SPTY2D1: variants seen among roughly 807,000 people sequenced by gnomAD.
SPTY2D1 encodes the protein protein SPT2 homolog.
A neutral mutation model predicts 64.0 loss-of-function variants in SPTY2D1; 21 were observed. That is an observed-to-expected ratio of 0.33 (90% CI 0.23 to 0.47). SPTY2D1 has a LOEUF of 0.47. SPTY2D1 is among the 20% of genes least tolerant of loss of function. The pLI, the probability that SPTY2D1 is intolerant of heterozygous loss-of-function variation, is 1.00. For missense variants in SPTY2D1, 724 were observed against 837.2 expected, an observed-to-expected ratio of 0.86 and a Z score of 1.67; for synonymous variants, 287 against 286.8, an observed-to-expected ratio of 1.00 and a Z score of -0.01.
chr11:18,627,658 C>A (rs1323417939), intron 1 of SPTY2D1, among the ~76,000 whole-genome samples: 3 of 152,088 alleles, frequency 2.0e-5, no homozygotes, highest in Non-Finnish European at 4.4e-5. Context: ...GGGGGTGGAT[C>A]ATGAGGTTAG....
chr11:18,629,502 C>CA (rs531620186), intron 1 of SPTY2D1, among the ~76,000 whole-genome samples: 1,489 of 148,886 alleles, frequency 0.01, 17 homozygotes, highest in Non-Finnish European at 0.016. Context: ...GACTTTGTCT[C>CA]AAAAAAAAAA....
rs531363116 is a variant in SPTY2D1, at chr11:18,608,434, A to C, written c.*1427T>G. The C allele has an allele frequency of 1.3e-5, 2 of 152,438 alleles. No individual in the cohort carries two copies. Among genetic ancestry groups the C allele is most frequent in the South Asian group, 2.1e-4 (1 of 4,830 alleles). The allele number at this position is 152,438 out of a possible 1,614,324, so 9.4% of individuals were successfully genotyped here. On this transcript the variant is annotated 3_prime_UTR_variant, in exon 6 of 6. Coordinates refer to ENST00000336349, the MANE Select transcript of SPTY2D1 (RefSeq NM_194285.3). ...CTGTTGAAGTATAAGGGCCTGTTGT[A>C]GGACAATCCCTCCTACTTCCTAATC...
intron 1 of SPTY2D1, among the ~76,000 whole-genome samples, chr11:18,631,311 C>G (rs370462898): frequency 1.3e-5 from 2 of 152,152 alleles, no homozygotes; most frequent in Admixed American, 1.3e-4. Context: ...CAGTGGTTCA[C>G]ACCTGTACTC....
chr11:18,630,168 A>AAAAAAT (rs1413650108), intron 1 of SPTY2D1, among the ~76,000 whole-genome samples: 3 of 151,450 alleles, frequency 2.0e-5, no homozygotes, highest in Non-Finnish European at 2.9e-5. Context: ...ACTCTGTCTC[A>AAAAAAT]AAAAATAAAA....
intron 1 of SPTY2D1, among the ~76,000 whole-genome samples, chr11:18,621,344 AG>A (rs1401260215): frequency 2.0e-5 from 3 of 149,020 alleles, no homozygotes; most frequent in African/African-American, 7.6e-5. Context: ...AGAAAAGAAA[AG>A]AAAAGAAAAG....
chr11:18,609,058 GAATAA>G lies in SPTY2D1; in HGVS notation c.*798_*802del, dbSNP rs1854151848. 1 of 152,134 alleles carries G rather than the reference GAATAA, an allele frequency of 6.6e-6. No individual in the cohort carries two copies. Among genetic ancestry groups the G allele is most frequent in the African/African-American group, 2.4e-5 (1 of 41,366 alleles). The allele number at this position is 152,134 out of a possible 1,614,324, so 9.4% of individuals were successfully genotyped here. On this transcript the variant is annotated 3_prime_UTR_variant, in exon 6 of 6. Coordinates refer to ENST00000336349, the MANE Select transcript of SPTY2D1 (RefSeq NM_194285.3). ...TATTACTCTTTCAAATCTAATGTTT[GAATAA>G]AATATTTTTTCTTCGATATAAAAAT...
chr11:18,614,269 A>T (rs1854251685), intron 3 of SPTY2D1, among the ~76,000 whole-genome samples: 1 of 152,202 alleles, frequency 6.6e-6, no homozygotes, highest in South Asian at 2.1e-4. Context: ...TAAAAAATAA[A>T]AAGTTAGCCA....
intron 1 of SPTY2D1, among the ~76,000 whole-genome samples, chr11:18,622,822 C>T (rs142445998): frequency 1.8e-4 from 27 of 151,914 alleles, no homozygotes; most frequent in African/African-American, 6.3e-4. Flanking sequence ...CGTGATGGCA[C>T]GCACCTATAA....
chr11:18,625,003 A>C (rs1447951755), intron 1 of SPTY2D1, among the ~76,000 whole-genome samples: 1 of 151,730 alleles, frequency 6.6e-6, no homozygotes, highest in Non-Finnish European at 1.5e-5. Flanking sequence ...CGTCTCAAGA[A>C]AAAAAAAAGT....
At chr11:18,621,018 C>T (rs1430400234) in intron 1 of SPTY2D1, among the ~76,000 whole-genome samples, 2 of 151,596 alleles carry the variant, frequency 1.3e-5, no homozygotes, top group Non-Finnish European at 2.9e-5. Context: ...AAAACACTGA[C>T]TGAGGCCGGG....
chr11:18,612,422 T>C lies in SPTY2D1; in HGVS notation c.1778A>G (p.Asp593Gly). The change falls in exon 4 of 6, where the codon GAT becomes GGT. Residue 593 changes from aspartate to glycine, a missense_variant. Transcript: ENST00000336349. This position sits in a 1 kb window ranked among gnomAD's most constrained non-coding sequence, Gnocchi z 4.6. The part of the protein sequence containing the change: ...RQREYEEEDD[D>G]DDEYDSEMED... ...CATTTCAGAGTCGTATTCATCATCA[T>C]CGTCATCTTCCTCTTCATATTCTCG... 7.5e-6 allele frequency: 12 copies of C among 1,597,676 alleles called. No individual in the cohort carries two copies. The highest frequency in any genetic ancestry group is 1.0e-5 in the Non-Finnish European group (12 of 1,167,950).
intron 4 of SPTY2D1, among the ~76,000 whole-genome samples, chr11:18,611,917 T>C (rs1854212576): frequency 6.6e-6 from 1 of 152,156 alleles, no homozygotes; most frequent in African/African-American, 2.4e-5. Flanking sequence ...TAATTTGAGC[T>C]TCATGACCAT....
At chr11:18,616,210 T>G (rs894302080) in intron 2 of SPTY2D1, 112 bp from the exon 3 acceptor site, 1 of 957,796 alleles carries the variant, frequency 1.0e-6, no homozygotes, top group African/African-American at 1.7e-5. Context: ...AGGAATCAAA[T>G]GAGGAAGTCA....
intron 1 of SPTY2D1, among the ~76,000 whole-genome samples, chr11:18,623,407 C>T (rs1245572544): frequency 6.6e-6 from 1 of 152,170 alleles, no homozygotes; most frequent in East Asian, 1.9e-4. Context: ...ATGCATTTAC[C>T]AATTCTGGAC....
intron 1 of SPTY2D1, among the ~76,000 whole-genome samples, chr11:18,620,861 T>A (rs1354088878): frequency 1.4e-5 from 2 of 142,664 alleles, no homozygotes; most frequent in South Asian, 2.2e-4. Flanking sequence ...CACTCCAGCC[T>A]GGGCAACAGA....
In SPTY2D1 at chr11:18,614,869, C is replaced by T. The variant is rs886530812; in HGVS notation, c.1405G>A (p.Val469Met). The T allele has an allele frequency of 6.2e-7, 1 of 1,613,742 alleles. No individual in the cohort carries two copies. Among genetic ancestry groups the T allele is most frequent in the Non-Finnish European group, 8.5e-7 (1 of 1,179,786 alleles). The change falls in exon 3 of 6, where the codon GTG becomes ATG. Residue 469 changes from valine (V) to methionine (M), a missense_variant. Transcript: ENST00000336349. ...LGSSRGPGRP[V>M]SSPHELRRPV... Reference sequence around the variant, plus strand: ...CGTCGAAGTTCATGTGGACTGCTCACAGGCCGGCCAGGGCCACGAGAGCTG... The same window carrying T: ...CGTCGAAGTTCATGTGGACTGCTCATAGGCCGGCCAGGGCCACGAGAGCTG...
chr11:18,621,534 T>C (rs930690252), intron 1 of SPTY2D1, among the ~76,000 whole-genome samples: 14 of 152,154 alleles, frequency 9.2e-5, no homozygotes, highest in African/African-American at 3.1e-4. Flanking sequence ...CAACTTCAAA[T>C]TCTGCCTTTT....
At position 18,614,819 on chromosome 11, in the gene SPTY2D1, C is replaced by CG. The variant is rs749122082; in HGVS notation, c.1454dup (p.Arg487AlafsTer22). On this transcript the variant is annotated frameshift_variant, in exon 3 of 6. Coordinates refer to ENST00000336349, the MANE Select transcript of SPTY2D1 (RefSeq NM_194285.3). LOFTEE classifies it high-confidence loss of function. ...TCCCAGGGCCACTGACAGACCGCCC[C>CG]GGGGGGCCCAAGCCACTCACTGGTC... The CG allele has an allele frequency of 1.9e-6, 3 of 1,613,056 alleles. No individual in the cohort carries two copies. Among genetic ancestry groups the CG allele is most frequent in the South Asian group, 1.1e-5 (1 of 90,958 alleles).
intron 1 of SPTY2D1, among the ~76,000 whole-genome samples, chr11:18,624,522 A>G (rs1854465742): frequency 6.6e-6 from 1 of 152,244 alleles, no homozygotes; most frequent in African/African-American, 2.4e-5. Context: ...TTTAAATACA[A>G]CATCAGAGAT....
Sources: allele counts gnomAD v4.1 joint callset (sites outside exome capture counted in the v4.1 genomes callset), GRCh38; gene constraint gnomAD v4.1.1; non-coding constraint Gnocchi (gnomAD v3.1); transcripts MANE v1.5; gene names NCBI Gene and HGNC (gene_info 2026-07-23, HGNC 2026-07-21).